Variants in POLR2B observed in about 807,000 individuals in gnomAD.
POLR2B encodes the protein DNA-directed RNA polymerase II subunit RPB2.
Under a neutral mutation model 144.6 loss-of-function variants are expected in POLR2B, and 57 were observed. That is an observed-to-expected ratio of 0.39 (90% CI 0.32 to 0.49). The LOEUF (loss-of-function observed/expected upper bound fraction) is 0.49, where lower values mean the gene tolerates loss of function less well. Among genes scored for constraint, POLR2B ranks in the 20% least tolerant of loss-of-function variants. POLR2B has a pLI of 0.83. For synonymous variants in POLR2B, 442 were observed against 469.8 expected (o/e 0.94, Z 0.77); for missense variants, 595 against 1,467.4 (o/e 0.41, Z 9.71).
intron 13 of POLR2B, among the ~76,000 whole-genome samples, chr4:57,012,599 A>C (rs774624713): frequency 3.3e-5 from 5 of 152,142 alleles, no homozygotes; most frequent in African/African-American, 4.8e-5. Flanking sequence ...TGTACCTAAA[A>C]CAGCAGAGAA....
At chr4:56,981,146 TTTCTCTTTTTTTAAAGACAGTAA>T (rs1211698483) in intron 1 of POLR2B, among the ~76,000 whole-genome samples, 1 of 152,048 alleles carries the variant, frequency 6.6e-6, no homozygotes, top group African/African-American at 2.4e-5. Context: ...TAAATGGGAT[TTTCTCTTTTTTTAAAGACAGTAA>T]TATTCACACT....
intron 16 of POLR2B, 38 bp from the exon 17 acceptor site, chr4:57,020,861 A>G: frequency 9.2e-7 from 1 of 1,084,434 alleles, no homozygotes; most frequent in Non-Finnish European, 1.4e-6. Flanking sequence ...TCTGTTTTCC[A>G]GGTGATGTTT....
chr4:57,006,723 C>T, intron 9 of POLR2B, 93 bp from the exon 10 acceptor site: 1 of 1,042,232 alleles, frequency 9.6e-7, no homozygotes. Flanking sequence ...TTTTTGCTCA[C>T]CTTCCCCACG....
intron 1 of POLR2B, chr4:56,985,358 G>A (rs944644023): frequency 5.1e-6 from 5 of 985,226 alleles, no homozygotes; most frequent in South Asian, 4.7e-5. Context: ...GCGAGGGACC[G>A]GTGGTAGCCG....
intron 7 of POLR2B, chr4:57,002,710 C>T (rs377482892): frequency 1.4e-4 from 21 of 152,104 alleles, no homozygotes; most frequent in East Asian, 5.8e-4. Flanking sequence ...TTCTGTAGCA[C>T]ATATACTAAT....
At chr4:57,022,587 A>C (rs1452931485) in intron 18 of POLR2B, among the ~76,000 whole-genome samples, 1 of 152,172 alleles carries the variant, frequency 6.6e-6, no homozygotes, top group Non-Finnish European at 1.5e-5. Context: ...GTGTGATCAT[A>C]ATATTTGTTC....
chr4:57,011,411 G>T (rs1393237883), intron 13 of POLR2B, among the ~76,000 whole-genome samples: 2 of 152,060 alleles, frequency 1.3e-5, no homozygotes, highest in African/African-American at 2.4e-5. Flanking sequence ...GCCTGTAATC[G>T]CAGCTACTCG....
chr4:57,021,371 A>C (rs563978536), intron 17 of POLR2B, among the ~76,000 whole-genome samples: 1 of 152,280 alleles, frequency 6.6e-6, no homozygotes, highest in African/African-American at 2.4e-5. Context: ...AGGCATATAA[A>C]GATTGTTTTA....
chr4:56,992,560 ATTT>A (rs779373741), intron 3 of POLR2B, among the ~76,000 whole-genome samples: 2 of 85,584 alleles, frequency 2.3e-5, no homozygotes, highest in Non-Finnish European at 2.3e-5. Flanking sequence ...TGGCTTATCT[ATTT>A]TTTTTTTTTT....
intron 2 of POLR2B, among the ~76,000 whole-genome samples, chr4:56,989,573 A>T (rs1722449138): frequency 6.6e-6 from 1 of 152,194 alleles, no homozygotes; most frequent in African/African-American, 2.4e-5. Flanking sequence ...GAGGCTGATG[A>T]TTAGTTGGAC....
chr4:56,995,462 A>G, intron 6 of POLR2B, 53 bp downstream of exon 6: 2 of 1,353,944 alleles, frequency 1.5e-6, no homozygotes, highest in Non-Finnish European at 2.0e-6. Flanking sequence ...CTTTGTTTTA[A>G]AATTTACTAG....
At chr4:57,029,280 T>G (rs770471050) in intron 23 of POLR2B, among the ~76,000 whole-genome samples, 3 of 152,238 alleles carry the variant, frequency 2.0e-5, no homozygotes, top group Non-Finnish European at 4.4e-5. Context: ...TTCTCAGTCC[T>G]TCTTCAGTTT....
intron 1 of POLR2B, among the ~76,000 whole-genome samples, chr4:56,983,686 T>TTAA: frequency 6.6e-6 from 1 of 151,896 alleles, no homozygotes; most frequent in Middle Eastern, 3.4e-3. Flanking sequence ...TTAAAGAAAA[T>TTAA]TTTAGAGACG....
chr4:57,008,950 A>G (rs1441634098), intron 10 of POLR2B, among the ~76,000 whole-genome samples: 1 of 152,196 alleles, frequency 6.6e-6, no homozygotes, highest in Non-Finnish European at 1.5e-5. Flanking sequence ...GAACCAGCTC[A>G]TGAAGAGGAG....
At chr4:56,987,610 T>C (rs556454863) in intron 2 of POLR2B, among the ~76,000 whole-genome samples, 1 of 152,312 alleles carries the variant, frequency 6.6e-6, no homozygotes, top group Admixed American at 6.5e-5. Flanking sequence ...GTGAAAGAGA[T>C]ACTGATTTGC....
At chr4:56,982,142 C>CT (rs1343753290) in intron 1 of POLR2B, among the ~76,000 whole-genome samples, 1 of 152,088 alleles carries the variant, frequency 6.6e-6, no homozygotes, top group Non-Finnish European at 1.5e-5. Flanking sequence ...TCTGGGGTAT[C>CT]TAACTGCCAC....
At chr4:57,019,508 C>T (rs1052651158) in intron 16 of POLR2B, among the ~76,000 whole-genome samples, 4 of 152,002 alleles carry the variant, frequency 2.6e-5, no homozygotes, top group South Asian at 2.1e-4. Context: ...GCCAGCCCAT[C>T]GTACCATTTT....
At chr4:57,024,165 C>A in intron 21 of POLR2B, 53 bp downstream of exon 21, 1 of 936,188 alleles carries the variant, frequency 1.1e-6, no homozygotes, top group Non-Finnish European at 1.7e-6. Flanking sequence ...TCTTCTAAAA[C>A]TCTGATAGGT....
Position 57,023,325 on chromosome 4 carries a change from C to A in POLR2B, c.2516-5C>A. ...ATGTGACATTCCGTGTCTATTTCCT[C>A]ACAGGCATGAGGCATGCCATTTACG... On this transcript the variant is annotated splice_region_variant and splice_polypyrimidine_tract_variant and intron_variant, in intron 18 of 24. Transcript: ENST00000314595. The surrounding 1 kb of genome is among the most constrained non-coding windows in gnomAD (Gnocchi z 4.3). The A allele has an allele frequency of 6.2e-7, 1 of 1,613,292 alleles. No individual in the cohort carries two copies. Among genetic ancestry groups the A allele is most frequent in the Non-Finnish European group, 8.5e-7 (1 of 1,179,384 alleles).
Sources: allele counts gnomAD v4.1 joint callset (sites outside exome capture counted in the v4.1 genomes callset), GRCh38; gene constraint gnomAD v4.1.1; non-coding constraint Gnocchi (gnomAD v3.1); transcripts MANE v1.5; gene names NCBI Gene and HGNC (gene_info 2026-07-23, HGNC 2026-07-21).